Variants in KAT6B observed in about 807,000 individuals in gnomAD.
KAT6B encodes the protein lysine acetyltransferase 6B.
KAT6B carries 10 observed loss-of-function variants against 187.5 expected under a neutral mutation model. That is an observed-to-expected ratio of 0.05 (90% CI 0.03 to 0.09). KAT6B has a LOEUF of 0.09. Among genes scored for constraint, KAT6B ranks in the 10% least tolerant of loss-of-function variants. KAT6B has a pLI of 1.00. For synonymous variants in KAT6B, 861 were observed against 926.8 expected (o/e 0.93, Z 1.29); for missense variants, 1,952 against 2,558.9 (o/e 0.76, Z 5.12).
intron 3 of KAT6B, among the ~76,000 whole-genome samples, chr10:74,894,084 T>TC (rs773795922): frequency 2.0e-5 from 3 of 152,206 alleles, no homozygotes; most frequent in Non-Finnish European, 4.4e-5. Context: ...ATCATATTTT[T>TC]CTCTCTTTTT....
chr10:74,840,551 T>C (rs1399448278), intron 2 of KAT6B, among the ~76,000 whole-genome samples: 1 of 152,118 alleles, frequency 6.6e-6, no homozygotes, highest in African/African-American at 2.4e-5. Context: ...TGTGCAACAG[T>C]GGGGTGAGCT....
At chr10:74,912,857 G>A (rs1847346408) in intron 3 of KAT6B, among the ~76,000 whole-genome samples, 1 of 152,178 alleles carries the variant, frequency 6.6e-6, no homozygotes, top group Non-Finnish European at 1.5e-5. Context: ...AATGTGTCAT[G>A]TTGTGCTGGC....
intron 3 of KAT6B, among the ~76,000 whole-genome samples, chr10:74,847,926 T>C (rs922622793): frequency 6.6e-6 from 1 of 150,458 alleles, no homozygotes; most frequent in Non-Finnish European, 1.5e-5. Context: ...TTTTCTTTTT[T>C]TTTTTTTTTG....
At chr10:75,026,917 C>T (rs545829845) in intron 17 of KAT6B, among the ~76,000 whole-genome samples, 1 of 152,224 alleles carries the variant, frequency 6.6e-6, no homozygotes, top group Admixed American at 6.5e-5. Flanking sequence ...AGGCAGATCA[C>T]CTGAGGTCAG....
chr10:74,861,973 A>G (rs762422179), intron 3 of KAT6B, among the ~76,000 whole-genome samples: 31 of 152,220 alleles, frequency 2.0e-4, no homozygotes, highest in Non-Finnish European at 5.9e-5. Context: ...CTTTGTCTTC[A>G]TAGCAGCCAT....
At chr10:74,857,916 G>C (rs1440825773) in intron 3 of KAT6B, among the ~76,000 whole-genome samples, 1 of 152,162 alleles carries the variant, frequency 6.6e-6, no homozygotes, top group African/African-American at 2.4e-5. Flanking sequence ...TAACTACTTG[G>C]GAGGCTGAGG....
Position 75,028,794 on chromosome 10 carries a change from A to G in KAT6B, c.3970A>G (p.Asn1324Asp). The G allele has an allele frequency of 6.2e-7, 1 of 1,614,132 alleles. No homozygotes were observed. Among genetic ancestry groups the G allele is most frequent in the Non-Finnish European group, 8.5e-7 (1 of 1,180,036 alleles). ...TGEALLPQEE[N>D]RREETCAPVS... ...GGAAGCCCTGTTGCCTCAAGAGGAA[A>G]ACAGAAGGGAAGAAACATGTGCCCC... Residue 1324 changes from asparagine to aspartate, a missense_variant, in exon 18 of 18, where the codon AAC (asparagine) becomes GAC (aspartate). Asn to Asp is a conservative substitution (Grantham distance 23). This residue lies in a region of KAT6B where 758 missense variants were observed against 891.4 expected (regional missense o/e 0.85). Transcript: ENST00000287239.
intron 3 of KAT6B, among the ~76,000 whole-genome samples, chr10:74,888,884 GT>G (rs1253170281): frequency 1.3e-5 from 2 of 152,078 alleles, no homozygotes; most frequent in African/African-American, 4.8e-5. Flanking sequence ...TCTCAGATAC[GT>G]TTTTAGTGAG....
intron 3 of KAT6B, among the ~76,000 whole-genome samples, chr10:74,912,985 CTAACTGTCAATGGTAG>C (rs1230034853): frequency 1.3e-5 from 2 of 152,092 alleles, no homozygotes; most frequent in African/African-American, 4.8e-5. Flanking sequence ...AAAAGTGGAT[CTAACTGTCAATGGTAG>C]TTATATGATA....
chr10:74,964,965 A>G (rs1039094119), intron 4 of KAT6B, among the ~76,000 whole-genome samples: 4 of 152,188 alleles, frequency 2.6e-5, no homozygotes, highest in Non-Finnish European at 5.9e-5. Context: ...AATGACCTCA[A>G]TCTAGGCTTC....
chr10:74,952,775 C>T (rs1054000490), intron 3 of KAT6B, among the ~76,000 whole-genome samples: 2 of 151,614 alleles, frequency 1.3e-5, no homozygotes, highest in African/African-American at 4.8e-5. Context: ...CAACCTCCGC[C>T]TCCCGGGTTC....
intron 14 of KAT6B, 122 bp from the exon 15 acceptor site, chr10:75,021,004 A>G (rs1845366672): frequency 9.5e-7 from 1 of 1,056,052 alleles, no homozygotes; most frequent in Non-Finnish European, 1.5e-6. Flanking sequence ...GTACCCTCTC[A>G]TTGAGGTGCT....
At chr10:74,872,558 T>G (rs768952324) in intron 3 of KAT6B, among the ~76,000 whole-genome samples, 2 of 152,152 alleles carry the variant, frequency 1.3e-5, no homozygotes, top group Non-Finnish European at 2.9e-5. Context: ...AAAGTTTTTT[T>G]GTAGTGACAG....
chr10:74,875,042 C>T (rs906319685), intron 3 of KAT6B, among the ~76,000 whole-genome samples: 9 of 152,092 alleles, frequency 5.9e-5, no homozygotes, highest in African/African-American at 2.2e-4. Flanking sequence ...ACCCAAAGCC[C>T]ATAGTTTACA....
At chr10:74,985,331 T>C in intron 12 of KAT6B, 90 bp downstream of exon 12, 1 of 1,222,132 alleles carries the variant, frequency 8.2e-7, no homozygotes, top group South Asian at 1.3e-5. Flanking sequence ...TTCATTACTA[T>C]AATTTGAATA....
At chr10:74,870,305 A>C (rs1843824072) in intron 3 of KAT6B, among the ~76,000 whole-genome samples, 1 of 151,960 alleles carries the variant, frequency 6.6e-6, no homozygotes, top group Non-Finnish European at 1.5e-5. Context: ...AAGACAAAAA[A>C]CCCCACGAAA....
At chr10:74,912,278 G>A (rs1847269615) in intron 3 of KAT6B, among the ~76,000 whole-genome samples, 1 of 151,944 alleles carries the variant, frequency 6.6e-6, no homozygotes, top group Non-Finnish European at 1.5e-5. Flanking sequence ...GTTTGGGAAT[G>A]TTAATTGATT....
At chr10:74,928,923 T>A (rs1309339637) in intron 3 of KAT6B, among the ~76,000 whole-genome samples, 1 of 152,228 alleles carries the variant, frequency 6.6e-6, no homozygotes, top group African/African-American at 2.4e-5. Context: ...AATATTTTTC[T>A]CTTTGGTTAT....
chr10:74,832,414 C>T (rs796904463), intron 1 of KAT6B, among the ~76,000 whole-genome samples: 22 of 152,208 alleles, frequency 1.4e-4, no homozygotes, highest in African/African-American at 5.1e-4. Flanking sequence ...CCCTTGAGCC[C>T]TGGAGTTCAA....
Sources: allele counts gnomAD v4.1 joint callset (sites outside exome capture counted in the v4.1 genomes callset), GRCh38; gene constraint gnomAD v4.1.1; regional missense constraint gnomAD v4.1.1; transcripts MANE v1.5; gene names NCBI Gene and HGNC (gene_info 2026-07-23, HGNC 2026-07-21).